The following ANXA8 variants were observed in gnomAD, a reference collection of about 807,000 sequenced individuals.
ANXA8 encodes the protein annexin A8.
Under a neutral mutation model 26.8 loss-of-function variants are expected in ANXA8, and 9 were observed. The ratio of observed to expected loss-of-function variants is 0.34; its 90% CI spans 0.20 to 0.59. ANXA8 has a LOEUF of 0.59. Among genes scored for constraint, ANXA8 ranks in the 20% least tolerant of loss-of-function variants. The pLI is 0.84. For missense variants in ANXA8, 83 were observed against 238.5 expected (o/e 0.35, Z 4.29); for synonymous variants, 39 against 94.8 (o/e 0.41, Z 3.42).
At chr10:47,521,450 A>G in the ANXA8 span, among the ~76,000 whole-genome samples, 152 of 140,068 alleles carry the variant, frequency 1.1e-3, 38 homozygotes, top group East Asian at 0.04. Flanking sequence ...CACACTCATA[A>G]TGAGTCTTAA....
chr10:47,943,426 G>C, the ANXA8 span, among the ~76,000 whole-genome samples: 3 of 146,710 alleles, frequency 2.0e-5, no homozygotes, highest in Non-Finnish European at 4.5e-5. Flanking sequence ...CACCATGGGG[G>C]AGAAACCCCA....
At chr10:47,939,235 G>A in the ANXA8 span, among the ~76,000 whole-genome samples, 1 of 140,256 alleles carries the variant, frequency 7.1e-6, no homozygotes, top group Non-Finnish European at 1.5e-5. Flanking sequence ...CCCAGGAGGC[G>A]GAGGTTGCAG....
the ANXA8 span, among the ~76,000 whole-genome samples, chr10:47,639,997 G>T: frequency 0.013 from 1,614 of 128,714 alleles, no homozygotes; most frequent in Non-Finnish European, 0.018. Context: ...TCACTGTGTT[G>T]CCTAGGTTGG....
At chr10:47,907,640 C>T in the ANXA8 span, among the ~76,000 whole-genome samples, 1 of 143,190 alleles carries the variant, frequency 7.0e-6, no homozygotes, top group East Asian at 2.2e-4. Flanking sequence ...TGGTGGTAGA[C>T]GCCTGTAATC....
At chr10:47,947,681 C>T in the ANXA8 span, among the ~76,000 whole-genome samples, 1 of 150,734 alleles carries the variant, frequency 6.6e-6, no homozygotes, top group African/African-American at 2.5e-5. Context: ...TCCCCTTCTT[C>T]CATGATTTTA....
rs1307161952 is a variant in ANXA8 at position 47,476,367 on chromosome 10, T to TTCTGC, written c.322-50_322-46dup. On this transcript the variant is annotated intron_variant, in intron 4 of 11. Coordinates refer to ENST00000585281, the MANE Select transcript of ANXA8 (RefSeq NM_001040084.3). ...CCTGCTGGAGTGCTCTGCCATGACC[T>TTCTGC]TCTGCTCTGTCCACACCTTCTTTTC... 202 of 433,054 alleles carry TTCTGC rather than the reference T, an allele frequency of 4.7e-4. 4 individuals are homozygous for TTCTGC. In the African/African-American group the frequency reaches 5.3e-3, roughly 11 times the overall value. The allele number at this position is 433,054 out of a possible 1,614,324, so 26.8% of individuals were successfully genotyped here. A position where few individuals can be genotyped will look rare whatever the true frequency, so the allele number is the denominator to read the frequency against.
At chr10:47,588,811 CT>C in the ANXA8 span, 2,876 of 97,588 alleles carry the variant, frequency 0.029, 173 homozygotes, top group African/African-American at 0.14. Flanking sequence ...CTTTCTCTCT[CT>C]TTTTTTTTTT....
At chr10:47,645,050 C>T in the ANXA8 span, among the ~76,000 whole-genome samples, 9 of 151,692 alleles carry the variant, frequency 5.9e-5, no homozygotes, top group Non-Finnish European at 1.0e-4. Context: ...TGATATCTGT[C>T]TTTCTTAAAG....
chr10:47,592,447 CA>C, the ANXA8 span, among the ~76,000 whole-genome samples: 1 of 148,050 alleles, frequency 6.8e-6, no homozygotes, highest in Non-Finnish European at 1.5e-5. Flanking sequence ...TAGGCCCCAT[CA>C]CCAGTGCTGT....
the ANXA8 span, among the ~76,000 whole-genome samples, chr10:47,559,621 G>C: frequency 6.6e-6 from 1 of 151,764 alleles, no homozygotes; most frequent in South Asian, 2.1e-4. Flanking sequence ...TTATTAATGG[G>C]TGCACTTTAA....
the ANXA8 span, among the ~76,000 whole-genome samples, chr10:47,583,784 G>A: frequency 2.1e-5 from 3 of 144,988 alleles, no homozygotes; most frequent in Middle Eastern, 6.5e-3. Flanking sequence ...AGAGCCAGAG[G>A]ACTGTAATCC....
At chr10:47,502,952 G>C in the ANXA8 span, 15 of 1,593,504 alleles carry the variant, frequency 9.4e-6, no homozygotes, top group Non-Finnish European at 1.2e-5. Context: ...TGAGGAGAGG[G>C]GGGCGGGTTG....
chr10:47,982,834 A>ATATATATATATATAT, the ANXA8 span, among the ~76,000 whole-genome samples: 235 of 67,488 alleles, frequency 3.5e-3, 1 homozygote, highest in South Asian at 4.7e-3. Flanking sequence ...ATATATATAT[A>ATATATATATATATAT]AAATTTGATA....
the ANXA8 span, among the ~76,000 whole-genome samples, chr10:47,497,040 G>A: frequency 6.6e-6 from 1 of 151,312 alleles, no homozygotes; most frequent in Non-Finnish European, 1.5e-5. Flanking sequence ...TTTTTTTCAG[G>A]CCAGGCGCAG....
At chr10:47,547,902 CATA>C in the ANXA8 span, among the ~76,000 whole-genome samples, 3 of 140,712 alleles carry the variant, frequency 2.1e-5, no homozygotes, top group African/African-American at 7.8e-5. Context: ...ATTATGTATC[CATA>C]ATAACTAAAA....
chr10:47,986,265 T>TC, the ANXA8 span: 1 of 162,658 alleles, frequency 6.1e-6, no homozygotes. Context: ...TATGCGCTTC[T>TC]CATGTGTGTA....
the ANXA8 span, chr10:47,753,244 C>T: frequency 1.5e-6 from 1 of 669,190 alleles, no homozygotes; most frequent in African/African-American, 2.5e-5. Context: ...ATACACACTA[C>T]CTGTTACAGT....
chr10:47,497,490 A>G, the ANXA8 span, among the ~76,000 whole-genome samples: 1 of 147,126 alleles, frequency 6.8e-6, no homozygotes, highest in Non-Finnish European at 1.5e-5. Context: ...ATGGTGGTGC[A>G]TGCCTGTAAT....
chr10:47,709,508 A>G, the ANXA8 span, among the ~76,000 whole-genome samples: 1 of 149,718 alleles, frequency 6.7e-6, no homozygotes, highest in Non-Finnish European at 1.5e-5. Context: ...AAAAAGTGAG[A>G]AAAAAAAATG....
Sources: allele counts gnomAD v4.1 joint callset (sites outside exome capture counted in the v4.1 genomes callset), GRCh38; gene constraint gnomAD v4.1.1; transcripts MANE v1.5; gene names NCBI Gene and HGNC (gene_info 2026-07-23, HGNC 2026-07-21).